Variants in DST observed in about 807,000 individuals in gnomAD.
The protein encoded by DST is dystonin.
Under a neutral mutation model 875.2 loss-of-function variants are expected in DST, and 253 were observed. That is an observed-to-expected ratio of 0.29 (90% CI 0.26 to 0.32). The LOEUF is 0.32. Among genes scored for constraint, DST ranks in the 10% least tolerant of loss-of-function variants. The pLI is 1.00. For synonymous variants in DST, 3,124 were observed against 3,197.1 expected, an observed-to-expected ratio of 0.98 and a Z score of 0.77; for missense variants, 8,287 against 9,111.6, an observed-to-expected ratio of 0.91 and a Z score of 3.68.
At chr6:56,672,488 C>CT (rs940729600) in intron 9 of DST, among the ~76,000 whole-genome samples, 168 of 149,034 alleles carry the variant, frequency 1.1e-3, no homozygotes, top group African/African-American at 3.6e-3. Context: ...GAAGAAATTT[C>CT]TTTTTTTTTT....
rs376541194 is a variant in DST at position 56,608,326 on chromosome 6, A to G, written c.6302T>C (p.Leu2101Pro). Residue 2101 changes from leucine (L) to proline (P), a missense_variant, in exon 40 of 104, where the codon CTG (leucine) becomes CCG (proline). By Grantham distance (98) the Leu-to-Pro change is moderately conservative. Transcript: ENST00000680361. ...LITNELAYKI[L>P]NGRQKIAALY... ...AGCAGCTATTTTTTGTCTGCCATTC[A>G]GGATTTTGTAGGCCAATTCATTTGT... is the stretch of plus-strand genomic sequence containing the variant. The G allele has an allele frequency of 2.7e-5, 44 of 1,612,836 alleles. No homozygotes were observed. The highest frequency in any genetic ancestry group is 3.2e-5 in the Non-Finnish European group (38 of 1,179,804).
intron 36 of DST, chr6:56,620,459 T>C: frequency 6.2e-7 from 1 of 1,614,190 alleles, no homozygotes; most frequent in Non-Finnish European, 8.5e-7. Flanking sequence ...CTGCTTGGCT[T>C]CACTTTCAGC....
intron 4 of DST, among the ~76,000 whole-genome samples, chr6:56,845,974 G>A (rs1412752959): frequency 1.3e-5 from 2 of 152,234 alleles, no homozygotes; most frequent in Non-Finnish European, 2.9e-5. Context: ...GCAGTAAATA[G>A]CTTGGACTTT....
At chr6:56,496,458 T>C (rs2095907359) in intron 82 of DST, among the ~76,000 whole-genome samples, 1 of 151,766 alleles carries the variant, frequency 6.6e-6, no homozygotes, top group Admixed American at 6.6e-5. Context: ...CTATCACCAT[T>C]AAAACAAACA....
intron 5 of DST, among the ~76,000 whole-genome samples, chr6:56,712,064 C>A (rs1230341918): frequency 1.5e-5 from 2 of 133,878 alleles, no homozygotes; most frequent in Non-Finnish European, 3.3e-5. Flanking sequence ...GCACTCCAGC[C>A]TGGGCGACAG....
intron 3 of DST, among the ~76,000 whole-genome samples, chr6:56,894,672 T>C (rs1592180060): frequency 2.1e-5 from 1 of 47,334 alleles, no homozygotes. Flanking sequence ...TCCCCCCACC[T>C]CCCTCCCGGA....
rs2094205460 is a variant in DST, at chr6:56,459,389, A to G, written c.23195-122T>C. On this transcript the variant is annotated intron_variant, in intron 103 of 103. Coordinates refer to ENST00000680361, the MANE Select transcript of DST (RefSeq NM_001374736.1). ...CCTGGTGTGTAGTAGGCACTCAGAA[A>G]ACAGTTGTGGATTCACAGCCTTTCT... 5 of 989,260 alleles carry G rather than the reference A, an allele frequency of 5.1e-6. No homozygotes were observed. In the South Asian group the frequency reaches 8.9e-5, roughly 18 times the overall value. The allele number at this position is 989,260 out of a possible 1,614,324, so 61.3% of individuals were successfully genotyped here.
chr6:56,698,731 A>C (rs1485833076), intron 9 of DST, among the ~76,000 whole-genome samples: 2 of 152,230 alleles, frequency 1.3e-5, no homozygotes, highest in Non-Finnish European at 2.9e-5. Context: ...ACAGTAATCT[A>C]TTGGTAAGAT....
chr6:56,849,976 G>C (rs547655835), intron 4 of DST, among the ~76,000 whole-genome samples: 7 of 152,330 alleles, frequency 4.6e-5, no homozygotes, highest in Admixed American at 3.9e-4. Context: ...TATGGGCAGT[G>C]TCATCTGTAT....
intron 4 of DST, among the ~76,000 whole-genome samples, chr6:56,764,044 C>T (rs2099625823): frequency 6.6e-6 from 1 of 150,844 alleles, no homozygotes; most frequent in Non-Finnish European, 1.5e-5. Context: ...AATTCATCTA[C>T]CTGTTCCTGA....
chr6:56,634,167 C>T lies in DST; in HGVS notation c.3586G>A (p.Glu1196Lys), dbSNP rs759764332. ...SVVSWHYLINEIDRIRASNVA... is the reference protein window; with the variant it reads ...SVVSWHYLINKIDRIRASNVA... ...TTGCTAGCTCGAATTCTATCAATTT[C>T]ATTGATGAGATAATGCCAGGATACT... The change falls in exon 27 of 104, where the codon GAA (glutamate) becomes AAA (lysine). Residue 1196 changes from glutamate to lysine, a missense_variant. By Grantham distance (56) the Glu-to-Lys change is moderately conservative. Transcript: ENST00000680361. 20 of 1,613,002 alleles carry T rather than the reference C, an allele frequency of 1.2e-5. No homozygotes were observed. The highest frequency in any genetic ancestry group is 1.0e-5 in the Non-Finnish European group (12 of 1,179,716).
At chr6:56,842,207 A>G (rs2099800918) in intron 4 of DST, among the ~76,000 whole-genome samples, 1 of 152,210 alleles carries the variant, frequency 6.6e-6, no homozygotes, top group Non-Finnish European at 1.5e-5. Context: ...ATATAAAACC[A>G]TCTGAATCCT....
intron 3 of DST, among the ~76,000 whole-genome samples, chr6:56,875,777 C>T (rs776717416): frequency 6.6e-6 from 1 of 152,174 alleles, no homozygotes; most frequent in Non-Finnish European, 1.5e-5. Flanking sequence ...GTGAACTTAT[C>T]CACCACACCA....
chr6:56,638,984 T>C (rs1257855119), intron 22 of DST: 3 of 491,784 alleles, frequency 6.1e-6, no homozygotes, highest in East Asian at 7.8e-5. Flanking sequence ...ATAAATAATA[T>C]GGCAATGCTT....
intron 50 of DST, among the ~76,000 whole-genome samples, chr6:56,576,214 T>C (rs1462905331): frequency 1.3e-5 from 2 of 152,168 alleles, no homozygotes; most frequent in Non-Finnish European, 1.5e-5. Context: ...CTGCTCCCCT[T>C]CTCCCATACC....
chr6:56,630,453 C>T, intron 30 of DST, 70 bp from the exon 31 acceptor site: 2 of 1,331,064 alleles, frequency 1.5e-6, no homozygotes, highest in Non-Finnish European at 2.1e-6. Context: ...AGTCCTGAAG[C>T]ACCATTATGA....
intron 4 of DST, chr6:56,843,116 G>A: frequency 6.4e-7 from 1 of 1,573,636 alleles, no homozygotes; most frequent in Non-Finnish European, 8.7e-7. Context: ...CCACGTACAG[G>A]TAAGCAGCAG....
chr6:56,459,296 C>T (rs757157314), intron 103 of DST, 29 bp from the exon 104 acceptor site: 12 of 1,596,350 alleles, frequency 7.5e-6, no homozygotes, highest in Non-Finnish European at 1.0e-5. Flanking sequence ...GACAGCTCAC[C>T]CTTATTATTG....
chr6:56,954,483 G>C lies in DST; in HGVS notation c.105C>G (p.Phe35Leu), dbSNP rs781586981. 1.5e-6 allele frequency: 2 copies of C among 1,367,538 alleles called. No individual in the cohort carries two copies. Among genetic ancestry groups the C allele is most frequent in the South Asian group, 2.3e-5 (2 of 88,026 alleles). The allele number at this position is 1,367,538 out of a possible 1,614,324, so 84.7% of individuals were successfully genotyped here. A position where few individuals can be genotyped will look rare whatever the true frequency, so the allele number is the denominator to read the frequency against. Residue 35 changes from phenylalanine to leucine, a missense_variant, in exon 1 of 104, where the codon TTC (phenylalanine) becomes TTG (leucine). This residue lies in a region of DST where 1,160 missense variants were observed against 1,424.3 expected (regional missense o/e 0.81). Transcript: ENST00000680361. The stretch of plus-strand genomic sequence containing the variant: ...TCTGGAGCTTGCGGTGCCAGCAGCA[G>C]AAGAAGACGATGGTGGCGATGGTGC... ...LLGTIATIVF[F>L]CCWHRKLQKG...
Sources: allele counts gnomAD v4.1 joint callset (sites outside exome capture counted in the v4.1 genomes callset), GRCh38; gene constraint gnomAD v4.1.1; regional missense constraint gnomAD v4.1.1; transcripts MANE v1.5; gene names NCBI Gene and HGNC (gene_info 2026-07-23, HGNC 2026-07-21).